Variants in FSTL5 observed in about 807,000 individuals in gnomAD.
FSTL5 encodes follistatin-related protein 5.
In FSTL5, 62 loss-of-function variants were observed where a neutral mutation model predicts 89.1. That is an observed-to-expected ratio of 0.70 (90% CI 0.57 to 0.86). The LOEUF (loss-of-function observed/expected upper bound fraction) is 0.86, where lower values mean the gene tolerates loss of function less well. Among genes scored for constraint, FSTL5 ranks in the 40% least tolerant of loss-of-function variants. The probability of loss-of-function intolerance (pLI) is 0.00; values close to 1 mark genes in which losing one functional copy is unlikely to be tolerated. For synonymous variants in FSTL5, 383 were observed against 346.2 expected, an observed-to-expected ratio of 1.11 and a Z score of -1.18; for missense variants, 1,057 against 1,001.6, an observed-to-expected ratio of 1.06 and a Z score of -0.75.
chr4:161,804,073 C>A (rs533739182), intron 4 of FSTL5, among the ~76,000 whole-genome samples: 10 of 151,938 alleles, frequency 6.6e-5, no homozygotes, highest in Non-Finnish European at 8.8e-5. Flanking sequence ...GGTTCTTACA[C>A]GTGGCACATC....
chr4:161,591,388 T>C (rs535360500), intron 7 of FSTL5, among the ~76,000 whole-genome samples: 9 of 152,338 alleles, frequency 5.9e-5, no homozygotes, highest in South Asian at 2.1e-4. Flanking sequence ...TCGACAGCCA[T>C]GATGGCTGCA....
At chr4:161,827,238 C>T (rs556630443) in intron 4 of FSTL5, among the ~76,000 whole-genome samples, 1 of 152,292 alleles carries the variant, frequency 6.6e-6, no homozygotes, top group African/African-American at 2.4e-5. Flanking sequence ...ATTTAGCTAG[C>T]CAGCAGAGCT....
At chr4:161,943,025 C>G (rs1734633737) in intron 3 of FSTL5, among the ~76,000 whole-genome samples, 1 of 151,900 alleles carries the variant, frequency 6.6e-6, no homozygotes, top group Non-Finnish European at 1.5e-5. Flanking sequence ...TTTCTACAAA[C>G]TAGTGATACA....
intron 4 of FSTL5, among the ~76,000 whole-genome samples, chr4:161,840,668 A>T (rs1471402161): frequency 2.0e-5 from 3 of 152,120 alleles, no homozygotes; most frequent in African/African-American, 7.2e-5. Flanking sequence ...CTCCCGCCTA[A>T]TCTGTGATAT....
chr4:162,034,546 C>T (rs997949686), intron 2 of FSTL5, among the ~76,000 whole-genome samples: 74 of 152,206 alleles, frequency 4.9e-4, no homozygotes, highest in African/African-American at 1.7e-3. Flanking sequence ...TACCGGGCAA[C>T]CCCAAAAGAA....
At chr4:161,966,595 T>G (rs571403006) in intron 3 of FSTL5, among the ~76,000 whole-genome samples, 1 of 152,160 alleles carries the variant, frequency 6.6e-6, no homozygotes, top group South Asian at 2.1e-4. Context: ...AACACAATAA[T>G]GTACATAAAA....
intron 7 of FSTL5, among the ~76,000 whole-genome samples, chr4:161,609,535 C>G (rs1734569318): frequency 6.6e-6 from 1 of 152,056 alleles, no homozygotes; most frequent in Admixed American, 6.6e-5. Flanking sequence ...AGATGATTAT[C>G]AAACTAAATT....
chr4:161,544,065 G>A (rs748567522), intron 8 of FSTL5, among the ~76,000 whole-genome samples: 6 of 151,512 alleles, frequency 4.0e-5, no homozygotes, highest in Admixed American at 6.6e-5. Flanking sequence ...AATTTGAGAC[G>A]AAAAAATTGA....
chr4:161,792,813 C>A (rs1729520195), intron 4 of FSTL5, among the ~76,000 whole-genome samples: 5 of 152,148 alleles, frequency 3.3e-5, no homozygotes, highest in Admixed American at 3.3e-4. Flanking sequence ...GTACCTTATT[C>A]TTCCTGGATG....
intron 15 of FSTL5, chr4:161,387,304 TTA>T (rs1730680289): frequency 6.6e-6 from 1 of 152,062 alleles, no homozygotes; most frequent in African/African-American, 2.4e-5. Flanking sequence ...GGACTTTTAT[TTA>T]TGTTTGCATT....
In FSTL5 at chr4:161,392,234, A is replaced by ATT. The variant is rs5863458; in HGVS notation, c.1842-5787_1842-5786dup. The stretch of plus-strand genomic sequence containing the variant: ...AAATCAGATTTTTAAATTTTAATTA[A>ATT]TTTTTTTTTTTGAGACAGGGTTTCA... On this transcript the variant is annotated intron_variant, in intron 15 of 15. Coordinates refer to ENST00000306100, the MANE Select transcript of FSTL5 (RefSeq NM_020116.5). 3.5e-3 allele frequency among the ~76,000 whole-genome samples: 516 copies of ATT among 148,958 alleles called. 1 individual carries two copies. Among genetic ancestry groups the ATT allele is most frequent in the Admixed American group, 5.5e-3 (82 of 14,856 alleles).
At chr4:161,459,450 G>A (rs1156622770) in intron 13 of FSTL5, 131 bp from the exon 14 acceptor site, 5 of 542,364 alleles carry the variant, frequency 9.2e-6, no homozygotes, top group South Asian at 5.5e-5. Context: ...AATTTCCTTA[G>A]CCCTTATTTG....
At chr4:161,711,134 G>C (rs920895451) in intron 6 of FSTL5, among the ~76,000 whole-genome samples, 2 of 144,902 alleles carry the variant, frequency 1.4e-5, no homozygotes, top group African/African-American at 4.9e-5. Flanking sequence ...CTGCCTAAAG[G>C]TCCTGGGGGA....
intron 3 of FSTL5, among the ~76,000 whole-genome samples, chr4:161,980,155 T>C (rs796618540): frequency 1.2e-5 from 1 of 82,596 alleles, no homozygotes; most frequent in Non-Finnish European, 2.5e-5. Flanking sequence ...AGGATAAAGA[T>C]AAAGAAAGAA....
At chr4:161,804,342 G>A (rs1484083557) in intron 4 of FSTL5, among the ~76,000 whole-genome samples, 1 of 151,852 alleles carries the variant, frequency 6.6e-6, no homozygotes, top group Non-Finnish European at 1.5e-5. Flanking sequence ...GACATCTTTG[G>A]GAGTCAGGGA....
At chr4:161,839,768 A>G (rs535469559) in intron 4 of FSTL5, among the ~76,000 whole-genome samples, 35 of 152,282 alleles carry the variant, frequency 2.3e-4, no homozygotes, top group African/African-American at 8.4e-4. Flanking sequence ...GTCATACTCT[A>G]TATCTTGATT....
intron 1 of FSTL5, among the ~76,000 whole-genome samples, chr4:162,154,859 G>T (rs760033228): frequency 1.3e-4 from 19 of 151,252 alleles, no homozygotes; most frequent in Non-Finnish European, 2.9e-5. Flanking sequence ...TCCTATAAAA[G>T]ATTTAATTAG....
chr4:161,539,874 T>C (rs548924878), intron 9 of FSTL5, among the ~76,000 whole-genome samples: 2 of 149,438 alleles, frequency 1.3e-5, no homozygotes, highest in African/African-American at 4.9e-5. Context: ...TTGTTTTATA[T>C]AAGATACGGC....
At chr4:161,637,918 T>G (rs1396629523) in intron 7 of FSTL5, among the ~76,000 whole-genome samples, 1 of 143,186 alleles carries the variant, frequency 7.0e-6, no homozygotes, top group African/African-American at 2.6e-5. Flanking sequence ...GCTTTGTTCT[T>G]TTGGCTTAGG....
Sources: allele counts gnomAD v4.1 joint callset (sites outside exome capture counted in the v4.1 genomes callset), GRCh38; gene constraint gnomAD v4.1.1; transcripts MANE v1.5; gene names NCBI Gene and HGNC (gene_info 2026-07-23, HGNC 2026-07-21).